GPR179: variants seen among roughly 807,000 people sequenced by gnomAD.
GPR179 encodes G protein-coupled receptor 179, also known as probable G protein-coupled receptor 179.
In GPR179, 52 loss-of-function variants were observed where a neutral mutation model predicts 70.8. The observed-to-expected ratio is 0.73, with a 90% CI of 0.59 to 0.93. The LOEUF (loss-of-function observed/expected upper bound fraction) is 0.93. GPR179 is among the 40% of genes least tolerant of loss of function. The probability of loss-of-function intolerance (pLI) is 0.00; values close to 1 mark genes in which losing one functional copy is unlikely to be tolerated. For synonymous variants in GPR179, 1,123 were observed against 1,169.0 expected, an observed-to-expected ratio of 0.96 and a Z score of 0.80; for missense variants, 2,734 against 2,966.8, an observed-to-expected ratio of 0.92 and a Z score of 1.82.
At position 38,326,553 on chromosome 17, in the gene GPR179, G is replaced by T. The variant is rs180920570; in HGVS notation, c.7016C>A (p.Ser2339Tyr). Residue 2339 changes from serine (S) to tyrosine (Y), a missense_variant, in exon 11 of 11, where the codon TCC (serine) becomes TAC (tyrosine). Transcript: ENST00000616987. ...CACTTGGCCTGAGTCTTCAGTTAAG[G>T]ACGAAGACTGAGACTCAGCTTCCTG... is the stretch of plus-strand genomic sequence containing the variant. The part of the protein sequence containing the change: ...SLQEAESQSS[S>Y]LTEDSGQVAF... The T allele has an allele frequency of 6.2e-7, 1 of 1,614,122 alleles. No homozygotes were observed. Among genetic ancestry groups the T allele is most frequent in the Non-Finnish European group, 8.5e-7 (1 of 1,179,946 alleles).
chr17:38,341,259 G>C (rs1192037630), intron 1 of GPR179, among the ~76,000 whole-genome samples: 2 of 152,172 alleles, frequency 1.3e-5, no homozygotes, highest in Non-Finnish European at 2.9e-5. Flanking sequence ...CCTGGTTTCT[G>C]TCAAGGAGGA....
chr17:38,325,728 T>TAG lies in GPR179; in HGVS notation c.*736_*737insCT, dbSNP rs1392845987. On this transcript the variant is annotated 3_prime_UTR_variant, in exon 11 of 11. Coordinates refer to ENST00000616987, the MANE Select transcript of GPR179 (RefSeq NM_001004334.4). ...GGGGAGGACCTGGGGCAATTGCTTT[T>TAG]CTTCTGTGTTCTCTCTCTCTGATGT... The TAG allele has an allele frequency of 6.6e-6, 1 of 152,476 alleles. No homozygotes were observed. Among genetic ancestry groups the TAG allele is most frequent in the Non-Finnish European group, 1.5e-5 (1 of 68,066 alleles). 9.4% of individuals were successfully genotyped at this position (152,476 alleles called of 1,614,324 possible).
Position 38,330,645 on chromosome 17 carries a change from G to A in GPR179, c.2924C>T (p.Ala975Val), listed in dbSNP as rs111520301. The change falls in exon 11 of 11, where the codon GCC (alanine) becomes GTC (valine). Residue 975 changes from alanine to valine, a missense_variant. Transcript: ENST00000616987. ...LPALAPTPAPALAPVPVSPQS... is the reference protein window; with the variant it reads ...LPALAPTPAPVLAPVPVSPQS... Reference sequence around the variant, plus strand: ...TGGGGATACTGGGACTGGTGCCAGGGCAGGGGCTGGGGTTGGAGCTAGAGC... The same window carrying A: ...TGGGGATACTGGGACTGGTGCCAGGACAGGGGCTGGGGTTGGAGCTAGAGC... 8 of 1,595,430 alleles carry A rather than the reference G, an allele frequency of 5.0e-6. No homozygotes were observed. The highest frequency in any genetic ancestry group is 6.0e-6 in the Non-Finnish European group (7 of 1,169,342).
Position 38,334,124 on chromosome 17 carries a change from C to T in GPR179, c.1785-86G>A, listed in dbSNP as rs2037383117. ...CTTCTCACTGGCGTTTCACCTCAGC[C>T]CCAACCCTGATACGCTTAGGACGAG... is the stretch of plus-strand genomic sequence containing the variant. On this transcript the variant is annotated intron_variant, in intron 8 of 10. Coordinates refer to ENST00000616987, the MANE Select transcript of GPR179 (RefSeq NM_001004334.4). This position sits in a 1 kb window ranked among gnomAD's most constrained non-coding sequence, Gnocchi z 4.7. 2.1e-6 allele frequency: 2 copies of T among 946,250 alleles called. No individual in the cohort carries two copies. Among genetic ancestry groups the T allele is most frequent in the South Asian group, 1.3e-5 (1 of 76,342 alleles). The allele number at this position is 946,250 out of a possible 1,614,324, so 58.6% of individuals were successfully genotyped here.
intron 9 of GPR179, 73 bp downstream of exon 9, chr17:38,333,860 G>T (rs1192210166): frequency 1.7e-6 from 2 of 1,192,044 alleles, no homozygotes; most frequent in East Asian, 2.4e-5. Flanking sequence ...AGGGCGCTGC[G>T]GGACAACCGC....
At chr17:38,331,605 CT>C in intron 10 of GPR179, 74 bp from the exon 11 acceptor site, 1 of 1,522,146 alleles carries the variant, frequency 6.6e-7, no homozygotes, top group Non-Finnish European at 8.8e-7. Flanking sequence ...TTCCTCCACC[CT>C]TGCCTAGACC....
rs775733052 is a variant in GPR179, at chr17:38,343,193, C to T, written c.597G>A (p.Lys199=). 3.7e-6 allele frequency: 6 copies of T among 1,613,990 alleles called. No individual in the cohort carries two copies. Among genetic ancestry groups the T allele is most frequent in the Non-Finnish European group, 5.1e-6 (6 of 1,179,976 alleles). The part of the protein sequence containing the change: ...PGDLDTPALK[K]RVLTNDLGSL... ...TCCCTAGGTCATTGGTCAACACTCG[C>T]TTCTTCAGGGCAGGGGTGTCCAGGT... The change falls in exon 1 of 11, where the codon AAG becomes AAA. Residue 199 remains lysine (K), a synonymous_variant. Transcript: ENST00000616987. The surrounding 1 kb of genome is among the most constrained non-coding windows in gnomAD (Gnocchi z 4.2).
intron 10 of GPR179, 37 bp from the exon 11 acceptor site, chr17:38,331,568 G>A: frequency 6.4e-7 from 1 of 1,565,864 alleles, no homozygotes; most frequent in Non-Finnish European, 8.7e-7. Flanking sequence ...GGCTGCAGGT[G>A]AGCTCTCTCC....
chr17:38,329,581 C>T lies in GPR179; in HGVS notation c.3988G>A (p.Gly1330Ser). ...TGAGGAGCTGACCCAGGGGACAGACCTCCTCGATCGGCACTCTCCCAGGGA... is the reference window on the plus strand; with the variant it reads ...TGAGGAGCTGACCCAGGGGACAGACTTCCTCGATCGGCACTCTCCCAGGGA... ...VCPWESADRG[G>S]LSPGSAPQDP... Residue 1330 changes from glycine to serine, a missense_variant, in exon 11 of 11, where the codon GGT becomes AGT. Physicochemically the swap from Gly to Ser is moderately conservative, Grantham distance 56. Transcript: ENST00000616987. 3 of 1,613,998 alleles carry T rather than the reference C, an allele frequency of 1.9e-6. No individual in the cohort carries two copies. The highest frequency in any genetic ancestry group is 2.5e-6 in the Non-Finnish European group (3 of 1,180,022).
chr17:38,336,010 G>T, intron 5 of GPR179, 66 bp downstream of exon 5: 2 of 1,124,404 alleles, frequency 1.8e-6, no homozygotes, highest in Non-Finnish European at 2.7e-6. Flanking sequence ...CTGGGGCTTG[G>T]AGGGTGCCAG....
Position 38,330,075 on chromosome 17 carries a change from A to G in GPR179, c.3494T>C (p.Leu1165Pro), listed in dbSNP as rs760947887. The change falls in exon 11 of 11, where the codon CTC (leucine) becomes CCC (proline). Residue 1165 changes from leucine (L) to proline (P), a missense_variant. Coordinates refer to ENST00000616987, the MANE Select transcript of GPR179 (RefSeq NM_001004334.4). The part of the protein sequence containing the change: ...NQQNAHTSRM[L>P]QVCQREGSRE... ...GCTGCCCTCCCGTTGACAGACTTGG[A>G]GCATCCTGCTGGTGTGAGCGTTCTG... 4 of 1,613,954 alleles carry G rather than the reference A, an allele frequency of 2.5e-6. No individual in the cohort carries two copies. The highest frequency in any genetic ancestry group is 3.4e-6 in the Non-Finnish European group (4 of 1,179,948).
chr17:38,335,419 C>T, intron 6 of GPR179, 148 bp from the exon 7 acceptor site: 2 of 804,444 alleles, frequency 2.5e-6, no homozygotes, highest in Non-Finnish European at 4.0e-6. Flanking sequence ...CTGCCTTTTG[C>T]TACCCCCCCA....
intron 1 of GPR179, among the ~76,000 whole-genome samples, chr17:38,340,440 C>G (rs1484998111): frequency 6.6e-6 from 1 of 152,192 alleles, no homozygotes; most frequent in Non-Finnish European, 1.5e-5. Context: ...CCATGCCTGG[C>G]TAGTTTTTAA....
chr17:38,333,824 T>C, intron 9 of GPR179, 109 bp downstream of exon 9: 1 of 776,544 alleles, frequency 1.3e-6, no homozygotes, highest in Non-Finnish European at 2.1e-6. Flanking sequence ...CCCAGCACCT[T>C]CTGTCGTCCT....
chr17:38,343,947 T>G lies in GPR179; in HGVS notation c.-158A>C. ...CACGCTGGTGCCAGCTCGCCTGCTT[T>G]TTTCTTCTCTCTAACGTCACCAGCT... On this transcript the variant is annotated 5_prime_UTR_variant, in exon 1 of 11. Coordinates refer to ENST00000616987, the MANE Select transcript of GPR179 (RefSeq NM_001004334.4). This position sits in a 1 kb window ranked among gnomAD's most constrained non-coding sequence, Gnocchi z 4.2. The G allele has an allele frequency of 1.6e-6, 1 of 606,370 alleles. No individual in the cohort carries two copies. Among genetic ancestry groups the G allele is most frequent in the Non-Finnish European group, 2.7e-6 (1 of 364,234 alleles). 37.6% of individuals were successfully genotyped at this position (606,370 alleles called of 1,614,324 possible).
At position 38,328,760 on chromosome 17, in the gene GPR179, C is replaced by T; in HGVS notation, c.4809G>A (p.Glu1603=). The T allele has an allele frequency of 6.2e-7, 1 of 1,614,000 alleles. No individual in the cohort carries two copies. The highest frequency in any genetic ancestry group is 8.5e-7 in the Non-Finnish European group (1 of 1,180,006). The part of the protein sequence containing the change: ...CPWEVNERTR[E]EWTSAQVPRG... ...TTGGCACCTGTGCTGATGTCCATTC[C>T]TCTCTTGTTCTTTCATTTACCTCCC... Residue 1603 remains glutamate (E), a synonymous_variant, in exon 11 of 11, where the codon GAG becomes GAA. Coordinates refer to ENST00000616987, the MANE Select transcript of GPR179 (RefSeq NM_001004334.4).
At position 38,334,926 on chromosome 17, in the gene GPR179, C is replaced by T. The variant is rs188281781; in HGVS notation, c.1646-84G>A. The T allele has an allele frequency of 1.8e-4, 283 of 1,595,424 alleles. 1 individual carries two copies. In the African/African-American group the frequency reaches 3.6e-3, roughly 20 times the overall value. ...TCTCTGAAAGATGTGCTGGGGGGAG[C>T]CTGGGCTCGGGGTCTGGGGACAAGT... On this transcript the variant is annotated intron_variant, in intron 7 of 10. Transcript: ENST00000616987. This position sits in a 1 kb window ranked among gnomAD's most constrained non-coding sequence, Gnocchi z 4.7.
intron 1 of GPR179, 98 bp downstream of exon 1, chr17:38,342,898 C>G: frequency 1.2e-5 from 14 of 1,191,286 alleles, no homozygotes; most frequent in Non-Finnish European, 1.7e-5. Context: ...CAGGCATGCA[C>G]ATGTTCGTGC....
At chr17:38,341,279 C>T (rs571667692) in intron 1 of GPR179, among the ~76,000 whole-genome samples, 102 of 152,240 alleles carry the variant, frequency 6.7e-4, no homozygotes, top group African/African-American at 2.0e-3. Context: ...AGAGACAGGG[C>T]GCATGTCAAG....
Sources: gnomAD v4.1 joint callset for allele counts (sites outside exome capture counted in the v4.1 genomes callset) on GRCh38, gnomAD v4.1.1 for gene constraint, Gnocchi (gnomAD v3.1) non-coding constraint, MANE v1.5 for transcripts, NCBI Gene and HGNC (gene_info 2026-07-23, HGNC 2026-07-21) for gene names.